Variants in DMXL2 observed in about 807,000 individuals in gnomAD.
DMXL2 encodes dmX-like protein 2.
Under a neutral mutation model 331.1 loss-of-function variants are expected in DMXL2, and 103 were observed. That is an observed-to-expected ratio of 0.31 (90% CI 0.27 to 0.37). The LOEUF is 0.37. DMXL2 is among the 10% of genes least tolerant of loss of function. The pLI, the probability that DMXL2 is intolerant of heterozygous loss-of-function variation, is 1.00. For missense variants in DMXL2, 3,171 were observed against 3,642.9 expected, an observed-to-expected ratio of 0.87 and a Z score of 3.33; for synonymous variants, 1,281 against 1,252.1, an observed-to-expected ratio of 1.02 and a Z score of -0.49.
rs751272090 is a variant in DMXL2, at chr15:51,457,452, TCAA to T, written c.8210_8212del (p.Val2737del). 1.2e-6 allele frequency: 2 copies of T among 1,614,160 alleles called. No individual in the cohort carries two copies. Among genetic ancestry groups the T allele is most frequent in the East Asian group, 4.5e-5 (2 of 44,890 alleles). On this transcript the variant is annotated inframe_deletion, in exon 37 of 44. Transcript: ENST00000560891. ...AAGAGTTGTAGTGGAACCACGATAA[TCAA>T]CATCATCTGAACTGTGAAAAACATT...
intron 18 of DMXL2, among the ~76,000 whole-genome samples, chr15:51,496,022 A>G (rs966419324): frequency 2.0e-5 from 3 of 151,906 alleles, no homozygotes; most frequent in Non-Finnish European, 4.4e-5. Context: ...CTATTTATTT[A>G]TTTATGGACA....
In DMXL2 at chr15:51,536,795, A is replaced by G; in HGVS notation, c.1685T>C (p.Ile562Thr). ...SGDASSLSKN[I>T]MMYACINATK... ...CGCATTTATACAGGCATACATCATG[A>G]TATTTTTACTAAGAGAGCTTGCATC... The change falls in exon 12 of 44, where the codon ATC becomes ACC. Residue 562 changes from isoleucine to threonine, a missense_variant. This residue lies in a region of DMXL2 where 1,674 missense variants were observed against 1,780.2 expected (regional missense o/e 0.94). Transcript: ENST00000560891. 1 of 1,613,920 alleles carries G rather than the reference A, an allele frequency of 6.2e-7. No homozygotes were observed. The highest frequency in any genetic ancestry group is 1.1e-5 in the South Asian group (1 of 91,016).
chr15:51,537,856 T>C, intron 10 of DMXL2, 97 bp from the exon 11 acceptor site: 1 of 1,315,580 alleles, frequency 7.6e-7, no homozygotes, highest in Non-Finnish European at 1.0e-6. Flanking sequence ...AAACTAAATC[T>C]CTTTTCCAAT....
rs535676986 is a variant in DMXL2 at position 51,609,000 on chromosome 15, T to C, written c.87+13459A>G. Among the ~76,000 whole-genome samples, 15 of 152,322 alleles carry C rather than the reference T, an allele frequency of 9.8e-5. No homozygotes were observed. In the South Asian group the frequency reaches 2.9e-3, roughly 29 times the overall value. On this transcript the variant is annotated intron_variant, in intron 1 of 43. Coordinates refer to ENST00000560891, the MANE Select transcript of DMXL2 (RefSeq NM_001378457.1). ...AAAATAGGCTTACCATAGAAGGATATATTATAAGCAGGAAGGGAGTTAAAA... is the reference window on the plus strand; with the variant it reads ...AAAATAGGCTTACCATAGAAGGATACATTATAAGCAGGAAGGGAGTTAAAA...
intron 16 of DMXL2, among the ~76,000 whole-genome samples, chr15:51,506,514 T>C (rs2046408246): frequency 6.8e-6 from 1 of 146,442 alleles, no homozygotes; most frequent in African/African-American, 2.6e-5. Context: ...AGTGCAGTGG[T>C]GCAATCTCAG....
rs774547299 is a variant in DMXL2 at position 51,449,034 on chromosome 15, C to A, written c.9127G>T (p.Val3043Phe). ...CGADGTLKTRVLPNAFNIPNR... is the reference protein window; with the variant it reads ...CGADGTLKTRFLPNAFNIPNR... The stretch of plus-strand genomic sequence containing the variant: ...GGGATGTTAAAAGCATTGGGCAAAA[C>A]CCTGGTTTTCAGCGTGCCATCTGCA... Residue 3043 changes from valine (V) to phenylalanine (F), a missense_variant, in exon 44 of 44, where the codon GTT becomes TTT. This residue lies in a region of DMXL2 where 766 missense variants were observed against 940.5 expected (regional missense o/e 0.81). Transcript: ENST00000560891. 6.8e-6 allele frequency: 11 copies of A among 1,614,104 alleles called. No individual in the cohort carries two copies. The highest frequency in any genetic ancestry group is 3.3e-5 in the South Asian group (3 of 91,076).
rs925694226 is a variant in DMXL2 at position 51,448,590 on chromosome 15, G to A, written c.*394C>T. ...TTATCCTTCATTCAACAGAGGAGGA[G>A]ACTGCAGGCATGCTTCAGTCAGTGG... On this transcript the variant is annotated 3_prime_UTR_variant, in exon 44 of 44. Coordinates refer to ENST00000560891, the MANE Select transcript of DMXL2 (RefSeq NM_001378457.1). 3.9e-6 allele frequency: 1 copy of A among 254,494 alleles called. No individual in the cohort carries two copies. The highest frequency in any genetic ancestry group is 2.2e-5 in the African/African-American group (1 of 44,662). The allele number at this position is 254,494 out of a possible 1,614,324, so 15.8% of individuals were successfully genotyped here.
At chr15:51,549,321 T>TGC (rs1430420981) in intron 6 of DMXL2, among the ~76,000 whole-genome samples, 1 of 110,792 alleles carries the variant, frequency 9.0e-6, no homozygotes, top group Non-Finnish European at 2.0e-5. Flanking sequence ...CATTCCATGG[T>TGC]GTGTATATAT....
chr15:51,541,231 G>A (rs999725459), intron 9 of DMXL2, among the ~76,000 whole-genome samples: 3 of 151,942 alleles, frequency 2.0e-5, no homozygotes. Flanking sequence ...ATATAATGCA[G>A]ACCAAAAATG....
At chr15:51,545,845 A>G in intron 7 of DMXL2, 79 bp from the exon 8 acceptor site, 4 of 1,262,074 alleles carry the variant, frequency 3.2e-6, no homozygotes, top group Non-Finnish European at 4.4e-6. Context: ...TTCTTCATGC[A>G]TAAAGATAAC....
chr15:51,485,401 C>A (rs2042319273), intron 23 of DMXL2, among the ~76,000 whole-genome samples: 1 of 152,168 alleles, frequency 6.6e-6, no homozygotes, highest in Non-Finnish European at 1.5e-5. Context: ...TGATTTGTTT[C>A]AGGAAACAAC....
chr15:51,599,170 A>T (rs2053048552), intron 1 of DMXL2, among the ~76,000 whole-genome samples: 1 of 152,224 alleles, frequency 6.6e-6, no homozygotes, highest in African/African-American at 2.4e-5. Context: ...TCATTATGAC[A>T]TGCTATGACC....
At chr15:51,485,981 G>C (rs1029678529) in intron 23 of DMXL2, 92 bp downstream of exon 23, 303 of 1,326,446 alleles carry the variant, frequency 2.3e-4, no homozygotes, top group Non-Finnish European at 2.9e-4. Flanking sequence ...AAGCAAATCT[G>C]GTAATGATTT....
At position 51,537,631 on chromosome 15, in the gene DMXL2, C is replaced by A; in HGVS notation, c.1474G>T (p.Asp492Tyr). 1 of 1,613,842 alleles carries A rather than the reference C, an allele frequency of 6.2e-7. No individual in the cohort carries two copies. Among genetic ancestry groups the A allele is most frequent in the Non-Finnish European group, 8.5e-7 (1 of 1,179,874 alleles). ...VPMPLPTVLLDRKIETLLTEW... is the reference protein window; with the variant it reads ...VPMPLPTVLLYRKIETLLTEW... ...GTTAGCAGCGTTTCAATCTTCCGAT[C>A]AAGCAGAACCGTAGGCAGTGGCATT... Residue 492 changes from aspartate (D) to tyrosine (Y), a missense_variant, in exon 11 of 44, where the codon GAT (aspartate) becomes TAT (tyrosine). This residue lies in a region of DMXL2 where 1,674 missense variants were observed against 1,780.2 expected (regional missense o/e 0.94). Transcript: ENST00000560891.
chr15:51,588,328 T>G (rs927030567), intron 1 of DMXL2, among the ~76,000 whole-genome samples: 1 of 152,060 alleles, frequency 6.6e-6, no homozygotes, highest in Non-Finnish European at 1.5e-5. Flanking sequence ...TGTTAATTTT[T>G]TGTATTTTTT....
chr15:51,615,263 T>C (rs1331172912), intron 1 of DMXL2, among the ~76,000 whole-genome samples: 2 of 152,090 alleles, frequency 1.3e-5, no homozygotes, highest in East Asian at 1.9e-4. Context: ...CAATTAAGCA[T>C]GGTAGGAGAA....
At chr15:51,619,797 TG>T (rs2054516774) in intron 1 of DMXL2, among the ~76,000 whole-genome samples, 1 of 152,202 alleles carries the variant, frequency 6.6e-6, no homozygotes, top group African/African-American at 2.4e-5. Context: ...ACACTATGTC[TG>T]GGAGGCCTTC....
At chr15:51,570,753 C>A (rs1176814254) in intron 2 of DMXL2, among the ~76,000 whole-genome samples, 2 of 152,136 alleles carry the variant, frequency 1.3e-5, no homozygotes, top group African/African-American at 4.8e-5. Context: ...GAGATTTTGT[C>A]ACCACCAGGC....
intron 2 of DMXL2, among the ~76,000 whole-genome samples, chr15:51,574,479 A>T (rs1355168593): frequency 6.6e-6 from 1 of 152,198 alleles, no homozygotes; most frequent in East Asian, 1.9e-4. Context: ...TATACCAAAA[A>T]GTGATTTTAA....
Sources: gnomAD v4.1 joint callset for allele counts (sites outside exome capture counted in the v4.1 genomes callset) on GRCh38, gnomAD v4.1.1 for gene constraint, gnomAD v4.1.1 regional missense constraint, MANE v1.5 for transcripts, NCBI Gene and HGNC (gene_info 2026-07-23, HGNC 2026-07-21) for gene names.